GPR137C: variants seen among roughly 807,000 people sequenced by gnomAD.
GPR137C encodes integral membrane protein GPR137C.
GPR137C carries 27 observed loss-of-function variants against 43.4 expected under a neutral mutation model. The observed-to-expected ratio is 0.62, with a 90% CI of 0.46 to 0.86. The LOEUF (loss-of-function observed/expected upper bound fraction) is 0.86. Ranked by LOEUF, GPR137C falls within the 40% of genes least tolerant of loss-of-function variation. The probability of loss-of-function intolerance (pLI) is 0.00; values close to 1 mark genes in which losing one functional copy is unlikely to be tolerated. For synonymous variants in GPR137C, 285 were observed against 226.9 expected (o/e 1.26, Z -2.30); for missense variants, 522 against 534.6 (o/e 0.98, Z 0.23).
At chr14:52,612,766 A>G (rs914860462) in intron 3 of GPR137C, 1 of 143,534 alleles carries the variant, frequency 7.0e-6, no homozygotes, top group African/African-American at 2.6e-5. Flanking sequence ...AAGTCTTGCT[A>G]TGTTGCCCAG....
At chr14:52,577,514 G>GCACACACACA (rs752625898) in intron 1 of GPR137C, among the ~76,000 whole-genome samples, 6,518 of 118,182 alleles carry the variant, frequency 0.055, 145 homozygotes, top group Middle Eastern at 0.08. Context: ...GTGCGCGCGC[G>GCACACACACA]CGCACACACA....
At position 52,632,308 on chromosome 14, in the gene GPR137C, A is replaced by C. The variant is rs2039304451; in HGVS notation, c.866A>C (p.Lys289Thr). The C allele has an allele frequency of 6.2e-7, 1 of 1,603,816 alleles. No homozygotes were observed. ...TATGGCTGGGATAATCTTTCAGATA[A>C]GGTAAATACCTACCACGTATTGCCA... ...FNYGWDNLSD[K>T]AHVEDISGEE... Residue 289 changes from lysine (K) to threonine (T), a missense_variant and splice_region_variant, in exon 4 of 7, where the codon AAG becomes ACG. Around this residue, in one of 3 missense-constraint regions of GPR137C, gnomAD observed 437 missense variants for 425.7 expected, o/e 1.03. Coordinates refer to ENST00000321662, the MANE Select transcript of GPR137C (RefSeq NM_001099652.2).
chr14:52,612,487 T>C (rs950258321), intron 3 of GPR137C: 47 of 980,876 alleles, frequency 4.8e-5, no homozygotes, highest in Non-Finnish European at 5.2e-5. Flanking sequence ...GAGGTTTTAG[T>C]AATTACATCT....
chr14:52,563,269 T>C (rs907109719), intron 1 of GPR137C, among the ~76,000 whole-genome samples: 10 of 152,184 alleles, frequency 6.6e-5, no homozygotes, highest in African/African-American at 1.9e-4. Context: ...CACTTAAACC[T>C]AGATCCCCTC....
At chr14:52,610,474 A>G (rs1417095601) in intron 3 of GPR137C, among the ~76,000 whole-genome samples, 2 of 152,150 alleles carry the variant, frequency 1.3e-5, no homozygotes, top group African/African-American at 4.8e-5. Flanking sequence ...ACATTCACAT[A>G]CCTTTTATTA....
At position 52,612,725 on chromosome 14, in the gene GPR137C, CT is replaced by C. The variant is rs555273638; in HGVS notation, c.717+12401del. ...TGCGAGCATTCACCACCACACTCAG[CT>C]TTTTTTTTTTTTTTTTCTTTGGAGA... On this transcript the variant is annotated intron_variant, in intron 3 of 6. Transcript: ENST00000321662. 3.1e-3 allele frequency: 428 copies of C among 136,220 alleles called. 1 individual carries two copies. The highest frequency in any genetic ancestry group is 5.9e-3 in the East Asian group (28 of 4,756). The allele number at this position is 136,220 out of a possible 1,614,324, so 8.4% of individuals were successfully genotyped here.
At chr14:52,592,707 C>T (rs2038799752) in intron 1 of GPR137C, among the ~76,000 whole-genome samples, 1 of 152,160 alleles carries the variant, frequency 6.6e-6, no homozygotes, top group African/African-American at 2.4e-5. Flanking sequence ...GCTGAAGTTG[C>T]TTGTCAGCTT....
chr14:52,581,257 G>A (rs992930823), intron 1 of GPR137C, among the ~76,000 whole-genome samples: 1 of 151,494 alleles, frequency 6.6e-6, no homozygotes, highest in African/African-American at 2.4e-5. Flanking sequence ...CATCTGGCCG[G>A]GTGCAGTGGC....
Position 52,616,458 on chromosome 14 carries a change from C to T in GPR137C, c.718-15702C>T, listed in dbSNP as rs146977166. Among the ~76,000 whole-genome samples the T allele has an allele frequency of 3.4e-3, 514 of 152,182 alleles. 1 individual carries two copies. Among genetic ancestry groups the T allele is most frequent in the Non-Finnish European group, 4.3e-3 (293 of 67,998 alleles). On this transcript the variant is annotated intron_variant, in intron 3 of 6. Coordinates refer to ENST00000321662, the MANE Select transcript of GPR137C (RefSeq NM_001099652.2). ...ACAGGCATGAGCCACCACGCCCAGG[C>T]TAATTTTTGTATTGTAAGTACAGAT...
chr14:52,609,419 T>A (rs1006500909), intron 3 of GPR137C, among the ~76,000 whole-genome samples: 1 of 152,242 alleles, frequency 6.6e-6, no homozygotes, highest in Admixed American at 6.5e-5. Context: ...CACCTTATTT[T>A]ATCCATTTGA....
At chr14:52,611,955 T>A in intron 3 of GPR137C, 5 of 985,236 alleles carry the variant, frequency 5.1e-6, no homozygotes, top group Non-Finnish European at 6.0e-6. Context: ...AGAATAGGCT[T>A]GTTCTTACAA....
chr14:52,555,807 T>A (rs940053292), intron 1 of GPR137C, among the ~76,000 whole-genome samples: 4 of 152,202 alleles, frequency 2.6e-5, no homozygotes, highest in Non-Finnish European at 5.9e-5. Context: ...ATTAACAATT[T>A]TAGGACACAG....
At chr14:52,567,883 C>G (rs1476132194) in intron 1 of GPR137C, among the ~76,000 whole-genome samples, 1 of 152,128 alleles carries the variant, frequency 6.6e-6, no homozygotes, top group African/African-American at 2.4e-5. Flanking sequence ...TGGTCTCGAA[C>G]TTCTGACCTC....
intron 3 of GPR137C, among the ~76,000 whole-genome samples, chr14:52,619,271 T>C (rs1485686512): frequency 6.6e-6 from 1 of 152,154 alleles, no homozygotes; most frequent in East Asian, 1.9e-4. Context: ...GGCTAAAATA[T>C]TATTAATATC....
intron 1 of GPR137C, among the ~76,000 whole-genome samples, chr14:52,587,604 T>C (rs1446410645): frequency 1.3e-5 from 2 of 152,142 alleles, no homozygotes; most frequent in African/African-American, 4.8e-5. Flanking sequence ...AACCCTTTTC[T>C]ACTAAAAATA....
intron 3 of GPR137C, among the ~76,000 whole-genome samples, chr14:52,628,887 A>G (rs563918022): frequency 2.0e-5 from 3 of 152,356 alleles, no homozygotes; most frequent in Admixed American, 1.3e-4. Flanking sequence ...TGCGATACGT[A>G]TATCTGACAA....
intron 1 of GPR137C, among the ~76,000 whole-genome samples, chr14:52,556,120 A>G (rs998813163): frequency 5.9e-5 from 9 of 152,160 alleles, no homozygotes; most frequent in East Asian, 1.9e-4. Flanking sequence ...AAAAGCCCCT[A>G]TAACTTTTTT....
chr14:52,564,633 G>T (rs1421698709), intron 1 of GPR137C, among the ~76,000 whole-genome samples: 1 of 152,030 alleles, frequency 6.6e-6, no homozygotes, highest in Non-Finnish European at 1.5e-5. Context: ...GCATTATGCT[G>T]CTCTTCTTCA....
In GPR137C at chr14:52,632,141, T is replaced by C. The variant is rs1594811298; in HGVS notation, c.718-19T>C. The C allele has an allele frequency of 1.9e-6, 3 of 1,577,658 alleles. No individual in the cohort carries two copies. In the East Asian group the frequency reaches 6.7e-5, roughly 35 times the overall value. ...CAAATGTGTAGAATACTAAAGATGA[T>C]GATTTTTATTTGTTTTAGGGTATGT... On this transcript the variant is annotated intron_variant, in intron 3 of 6. Coordinates refer to ENST00000321662, the MANE Select transcript of GPR137C (RefSeq NM_001099652.2).
Sources: gnomAD v4.1 joint callset for allele counts (sites outside exome capture counted in the v4.1 genomes callset) on GRCh38, gnomAD v4.1.1 for gene constraint, gnomAD v4.1.1 regional missense constraint, MANE v1.5 for transcripts, NCBI Gene and HGNC (gene_info 2026-07-23, HGNC 2026-07-21) for gene names.